Variants in CDC14A observed in about 807,000 individuals in gnomAD.
CDC14A encodes the protein cell division cycle 14A, also known as dual specificity protein phosphatase CDC14A.
A neutral mutation model predicts 74.4 loss-of-function variants in CDC14A; 53 were observed. That is an observed-to-expected ratio of 0.71 (90% CI 0.57 to 0.89). The LOEUF (loss-of-function observed/expected upper bound fraction) is 0.89. Ranked by LOEUF, CDC14A falls within the 40% of genes least tolerant of loss-of-function variation. The probability of loss-of-function intolerance (pLI) is 0.00; values close to 1 mark genes in which losing one functional copy is unlikely to be tolerated. For synonymous variants in CDC14A, 247 were observed against 258.4 expected (o/e 0.96, Z 0.43); for missense variants, 646 against 713.7 (o/e 0.91, Z 1.08).
In CDC14A at chr1:100,442,990, T is replaced by C. The variant is rs1367582441; in HGVS notation, c.513T>C (p.His171=). The change falls in exon 7 of 16, where the codon CAT becomes CAC. Residue 171 remains histidine (H), a synonymous_variant. Coordinates refer to ENST00000336454, the MANE Select transcript of CDC14A (RefSeq NM_003672.4). ...FETFDVDEYE[H]YERVENGDFN... The stretch of plus-strand genomic sequence containing the variant: ...CATTTGATGTGGATGAATATGAACA[T>C]TATGAGGTTTGTACATTTAATTTTT... 3 of 1,586,552 alleles carry C rather than the reference T, an allele frequency of 1.9e-6. No individual in the cohort carries two copies. Among genetic ancestry groups the C allele is most frequent in the Middle Eastern group, 1.7e-4 (1 of 5,992 alleles).
At chr1:100,415,204 G>T (rs1038747962) in intron 4 of CDC14A, among the ~76,000 whole-genome samples, 1 of 152,090 alleles carries the variant, frequency 6.6e-6, no homozygotes, top group Admixed American at 6.5e-5. Context: ...AGCTCCCACT[G>T]GTTTCACTCT....
rs531244498 is a variant in CDC14A at position 100,388,770 on chromosome 1, C to T, written c.217-1962C>T. On this transcript the variant is annotated intron_variant, in intron 3 of 15. Transcript: ENST00000336454. ...CTTACTATGTTGCCTGGGCTAGTCT[C>T]AAATTCCCAGCCCTAAGTGATTCTC... is the stretch of plus-strand genomic sequence containing the variant. Among the ~76,000 whole-genome samples, 48 of 152,290 alleles carry T rather than the reference C, an allele frequency of 3.2e-4. No homozygotes were observed. The South Asian group carries it at 9.1e-3, about 29-fold the overall frequency.
upstream of CDC14A, among the ~76,000 whole-genome samples, chr1:100,349,740 T>G (rs1650748308): frequency 6.6e-6 from 1 of 152,134 alleles, no homozygotes; most frequent in Admixed American, 6.5e-5. Flanking sequence ...CACAGCTCAC[T>G]GAAACCTCTG....
chr1:100,431,741 C>T (rs114727209), intron 5 of CDC14A, among the ~76,000 whole-genome samples: 2,991 of 151,370 alleles, frequency 0.02, 104 homozygotes, highest in African/African-American at 0.069. Flanking sequence ...TCCTAGTTGC[C>T]TGGGAGGTTT....
At position 100,352,546 on chromosome 1, in the gene CDC14A, C is replaced by A. The variant is rs1233941690; in HGVS notation, c.-409C>A. On this transcript the variant is annotated 5_prime_UTR_variant, in exon 1 of 16. The change creates a new upstream start codon in the 5' untranslated region. Coordinates refer to ENST00000336454, the MANE Select transcript of CDC14A (RefSeq NM_003672.4). ...CCCGCGGGCACTGAAGTCCTCCCGG[C>A]TGCCGCTCGAGTAGCCACGGGCGCG... is the stretch of plus-strand genomic sequence containing the variant. 3 of 1,041,314 alleles carry A rather than the reference C, an allele frequency of 2.9e-6. No individual in the cohort carries two copies. In the East Asian group the frequency reaches 3.0e-4, roughly 103 times the overall value. 64.5% of individuals were successfully genotyped at this position (1,041,314 alleles called of 1,614,324 possible).
upstream of CDC14A, among the ~76,000 whole-genome samples, chr1:100,350,635 T>A (rs1238668942): frequency 6.7e-6 from 1 of 150,034 alleles, no homozygotes; most frequent in Non-Finnish European, 1.5e-5. Context: ...AGATTGGAGT[T>A]CATTAGACTA....
At position 100,385,567 on chromosome 1, in the gene CDC14A, A is replaced by G. The variant is rs150740124; in HGVS notation, c.217-5165A>G. 3.2e-4 allele frequency among the ~76,000 whole-genome samples: 49 copies of G among 152,336 alleles called. No homozygotes were observed. The East Asian group carries it at 3.3e-3, about 10-fold the overall frequency. ...GCATGAAACTTGTTATGGCCTCATA[A>G]TTAAGATTTACACAAATTATCAGGC... is the stretch of plus-strand genomic sequence containing the variant. On this transcript the variant is annotated intron_variant, in intron 3 of 15. Transcript: ENST00000336454.
Position 100,498,217 on chromosome 1 carries a change from C to A in CDC14A, c.1421+10C>A, listed in dbSNP as rs1394343452. 1 of 1,612,674 alleles carries A rather than the reference C, an allele frequency of 6.2e-7. No individual in the cohort carries two copies. The highest frequency in any genetic ancestry group is 8.5e-7 in the Non-Finnish European group (1 of 1,179,344). On this transcript the variant is annotated intron_variant, in intron 14 of 15. Coordinates refer to ENST00000336454, the MANE Select transcript of CDC14A (RefSeq NM_003672.4). ...GTGCCACTGTAAGAAGGTAATTTTT[C>A]TCTCCCTCTTCTAAGGTGCTGGTTT...
chr1:100,493,254 T>A (rs1001428772), intron 11 of CDC14A, among the ~76,000 whole-genome samples: 1 of 152,172 alleles, frequency 6.6e-6, no homozygotes, highest in Non-Finnish European at 1.5e-5. Flanking sequence ...AAGGATTCTG[T>A]CAGGTCCTCC....
chr1:100,482,440 A>G (rs988672304), intron 10 of CDC14A, among the ~76,000 whole-genome samples: 3 of 152,094 alleles, frequency 2.0e-5, no homozygotes, highest in Non-Finnish European at 4.4e-5. Flanking sequence ...TTGCTTGGCA[A>G]TACTCTTAGC....
chr1:100,448,132 C>T (rs1411215772), intron 7 of CDC14A, among the ~76,000 whole-genome samples: 3 of 152,064 alleles, frequency 2.0e-5, no homozygotes, highest in South Asian at 2.1e-4. Flanking sequence ...CATTTATTAC[C>T]CCATTCAAAA....
rs1233879433 is a variant in CDC14A at position 100,484,453 on chromosome 1, T to C, written c.1137+2T>C. On this transcript the variant is annotated splice_donor_variant, in intron 11 of 15. Coordinates refer to ENST00000336454, the MANE Select transcript of CDC14A (RefSeq NM_003672.4). LOFTEE classifies it high-confidence loss of function. The stretch of plus-strand genomic sequence containing the variant: ...CAAAACATGGAACGATTTGGAGAGG[T>C]AAGTTTTCCCTAGGAGATTCTATCT... 3.1e-6 allele frequency: 5 copies of C among 1,595,880 alleles called. No homozygotes were observed. Among genetic ancestry groups the C allele is most frequent in the East Asian group, 2.3e-5 (1 of 44,236 alleles).
chr1:100,373,057 C>T (rs1654704594), intron 2 of CDC14A, among the ~76,000 whole-genome samples: 1 of 152,174 alleles, frequency 6.6e-6, no homozygotes. Flanking sequence ...TCACAGTTGG[C>T]TGTTTGGAGC....
chr1:100,490,056 T>C (rs2101391147), intron 11 of CDC14A, among the ~76,000 whole-genome samples: 1 of 152,280 alleles, frequency 6.6e-6, no homozygotes, highest in Non-Finnish European at 1.5e-5. Context: ...ATGAGAAAAG[T>C]CTTCAAACAC....
intron 4 of CDC14A, among the ~76,000 whole-genome samples, chr1:100,417,287 C>T (rs1259137956): frequency 6.6e-6 from 1 of 152,206 alleles, no homozygotes; most frequent in Non-Finnish European, 1.5e-5. Flanking sequence ...AGGCCATTCC[C>T]AGCCCCCTTT....
chr1:100,506,016 T>G (rs1290217639), intron 15 of CDC14A, among the ~76,000 whole-genome samples: 1 of 152,034 alleles, frequency 6.6e-6, no homozygotes, highest in East Asian at 1.9e-4. Flanking sequence ...GAGTGGGAAC[T>G]CACTCATTAC....
At chr1:100,437,482 G>A (rs147458388) in intron 5 of CDC14A, among the ~76,000 whole-genome samples, 24 of 152,294 alleles carry the variant, frequency 1.6e-4, no homozygotes, top group Admixed American at 3.3e-4. Flanking sequence ...AAGGCATGCC[G>A]TTTCCTTCTC....
At chr1:100,359,150 A>G (rs569554101) in intron 2 of CDC14A, among the ~76,000 whole-genome samples, 1 of 152,222 alleles carries the variant, frequency 6.6e-6, no homozygotes, top group African/African-American at 2.4e-5. Context: ...AGCCATAGCA[A>G]CAACAACAGC....
chr1:100,370,196 C>T (rs74510465), intron 2 of CDC14A, among the ~76,000 whole-genome samples: 9,191 of 151,850 alleles, frequency 0.061, 528 homozygotes, highest in African/African-American at 0.15. Flanking sequence ...TTGCCCAGGC[C>T]GGTCTTGAAC....
Sources: gnomAD v4.1 joint callset for allele counts (sites outside exome capture counted in the v4.1 genomes callset) on GRCh38, gnomAD v4.1.1 for gene constraint, MANE v1.5 for transcripts, NCBI Gene and HGNC (gene_info 2026-07-23, HGNC 2026-07-21) for gene names.